Variants in MARCHF1 observed in about 807,000 individuals in gnomAD.
MARCHF1 encodes the protein membrane associated ring-CH-type finger 1.
Under a neutral mutation model 54.2 loss-of-function variants are expected in MARCHF1, and 40 were observed. The observed-to-expected ratio is 0.74, with a 90% CI of 0.57 to 0.96. MARCHF1 has a LOEUF of 0.96. Among genes scored for constraint, MARCHF1 ranks in the 40% least tolerant of loss-of-function variants. MARCHF1 has a pLI of 0.00. For synonymous variants in MARCHF1, 236 were observed against 236.3 expected, an observed-to-expected ratio of 1.00 and a Z score of 0.01; for missense variants, 586 against 656.5, an observed-to-expected ratio of 0.89 and a Z score of 1.17.
In MARCHF1 at chr4:163,829,667, C is replaced by T. The variant is rs1748961976; in HGVS notation, c.111+24354G>A. On this transcript the variant is annotated intron_variant, in intron 4 of 9. Coordinates refer to ENST00000514618, the MANE Select transcript of MARCHF1 (RefSeq NM_001394959.1). The stretch of plus-strand genomic sequence containing the variant: ...CCCCCTGGACTGGATGATATGTACG[C>T]AAATATTTAAAAAAATAAATAACAC... Among the ~76,000 whole-genome samples the T allele has an allele frequency of 2.6e-5, 4 of 152,168 alleles. No individual in the cohort carries two copies. In the South Asian group the frequency reaches 8.3e-4, roughly 32 times the overall value.
At chr4:164,250,831 A>G (rs1172475500) in intron 1 of MARCHF1, among the ~76,000 whole-genome samples, 1 of 152,132 alleles carries the variant, frequency 6.6e-6, no homozygotes. Context: ...AAGAAGAGGA[A>G]GACTCCATCA....
intron 2 of MARCHF1, among the ~76,000 whole-genome samples, chr4:164,024,611 A>G (rs1753729583): frequency 6.6e-6 from 1 of 152,176 alleles, no homozygotes; most frequent in African/African-American, 2.4e-5. Context: ...GACATGAAAG[A>G]ATGACACATA....
chr4:164,183,158 A>G (rs1730877665), intron 1 of MARCHF1, among the ~76,000 whole-genome samples: 1 of 152,102 alleles, frequency 6.6e-6, no homozygotes, highest in Non-Finnish European at 1.5e-5. Context: ...TCAGGATTCA[A>G]AAAGTAAAAT....
chr4:163,913,806 C>A (rs766476804), intron 3 of MARCHF1, among the ~76,000 whole-genome samples: 4 of 152,048 alleles, frequency 2.6e-5, no homozygotes, highest in Non-Finnish European at 5.9e-5. Flanking sequence ...TTGTAACTGC[C>A]ATCACAGTCT....
chr4:163,631,135 A>G (rs908520857), intron 5 of MARCHF1, among the ~76,000 whole-genome samples: 1 of 152,210 alleles, frequency 6.6e-6, no homozygotes, highest in African/African-American at 2.4e-5. Flanking sequence ...CATATTAGGT[A>G]TATCTTAAAC....
intron 3 of MARCHF1, among the ~76,000 whole-genome samples, chr4:163,887,555 AT>A (rs1310989406): frequency 2.0e-5 from 3 of 152,160 alleles, no homozygotes; most frequent in Non-Finnish European, 4.4e-5. Context: ...CAGAATTTGC[AT>A]TTTAACAAGA....
intron 7 of MARCHF1, among the ~76,000 whole-genome samples, chr4:163,597,168 G>A (rs1402718596): frequency 6.6e-6 from 1 of 152,120 alleles, no homozygotes; most frequent in Non-Finnish European, 1.5e-5. Flanking sequence ...ATGTTGGCCA[G>A]GCTGGTCTCA....
At chr4:164,111,430 C>T (rs35587216) in intron 2 of MARCHF1, among the ~76,000 whole-genome samples, 158 bp downstream of exon 2, 19,455 of 151,170 alleles carry the variant, frequency 0.13, 1,889 homozygotes, top group African/African-American at 0.28. Context: ...TCATTGAGAC[C>T]AAATAAAATT....
At chr4:164,289,968 CCCT>C (rs1180862354) in intron 1 of MARCHF1, among the ~76,000 whole-genome samples, 2 of 151,824 alleles carry the variant, frequency 1.3e-5, no homozygotes, top group African/African-American at 4.8e-5. Flanking sequence ...TCATGTATTC[CCCT>C]AAGGCTTCTC....
chr4:164,115,589 T>C (rs1755923118), intron 1 of MARCHF1, among the ~76,000 whole-genome samples: 1 of 152,054 alleles, frequency 6.6e-6, no homozygotes, highest in South Asian at 2.1e-4. Context: ...AGAAACTATA[T>C]ACAAAACTGA....
intron 4 of MARCHF1, among the ~76,000 whole-genome samples, chr4:163,777,369 A>G (rs1747336113): frequency 6.6e-6 from 1 of 152,150 alleles, no homozygotes; most frequent in Non-Finnish European, 1.5e-5. Context: ...TTACATATCT[A>G]TTTTTATCTC....
At chr4:163,775,678 A>C (rs886271378) in intron 4 of MARCHF1, among the ~76,000 whole-genome samples, 4 of 152,264 alleles carry the variant, frequency 2.6e-5, no homozygotes, top group Middle Eastern at 3.4e-3. Context: ...GATAATAAGA[A>C]GGCGGCTAGG....
chr4:163,724,877 A>C (rs148463073), intron 4 of MARCHF1, among the ~76,000 whole-genome samples: 1 of 152,134 alleles, frequency 6.6e-6, no homozygotes, highest in Non-Finnish European at 1.5e-5. Context: ...TTAGGGTGGG[A>C]GTGACCCGAT....
chr4:164,048,219 A>C (rs1296105810), intron 2 of MARCHF1, among the ~76,000 whole-genome samples: 1 of 152,174 alleles, frequency 6.6e-6, no homozygotes, highest in East Asian at 1.9e-4. Flanking sequence ...CAGCTTAAAC[A>C]AATCAGTATT....
chr4:163,623,401 C>G (rs912351690), intron 5 of MARCHF1, among the ~76,000 whole-genome samples: 4 of 152,214 alleles, frequency 2.6e-5, no homozygotes, highest in Admixed American at 2.6e-4. Flanking sequence ...AGCTGTAGCA[C>G]TGGTGAACAG....
intron 1 of MARCHF1, among the ~76,000 whole-genome samples, chr4:164,323,274 A>G (rs916946285): frequency 2.0e-5 from 3 of 151,758 alleles, no homozygotes; most frequent in Non-Finnish European, 4.4e-5. Flanking sequence ...TGGATCAAAG[A>G]GGAAAGCAAA....
chr4:163,606,796 G>A (rs1350173778), intron 7 of MARCHF1, among the ~76,000 whole-genome samples: 1 of 151,916 alleles, frequency 6.6e-6, no homozygotes, highest in Admixed American at 6.6e-5. Context: ...GGTTGCCGAT[G>A]GCTACATTTT....
chr4:164,330,962 G>T (rs1431981694), intron 1 of MARCHF1, among the ~76,000 whole-genome samples: 3 of 152,104 alleles, frequency 2.0e-5, no homozygotes, highest in African/African-American at 7.2e-5. Context: ...ATACAGAAAA[G>T]CACATCCATT....
rs1290770077 is a variant in MARCHF1, at chr4:163,819,769, C to T, written c.111+34252G>A. Among the ~76,000 whole-genome samples, 3 of 152,074 alleles carry T rather than the reference C, an allele frequency of 2.0e-5. No homozygotes were observed. The East Asian group carries it at 5.8e-4, about 29-fold the overall frequency. ...TCTTACAAACCAACTTGCATATGCA[C>T]CTACACTTTCTGTCATCTCTTCTAC... On this transcript the variant is annotated intron_variant, in intron 4 of 9. Coordinates refer to ENST00000514618, the MANE Select transcript of MARCHF1 (RefSeq NM_001394959.1).
Sources: gnomAD v4.1 joint callset for allele counts (sites outside exome capture counted in the v4.1 genomes callset) on GRCh38, gnomAD v4.1.1 for gene constraint, MANE v1.5 for transcripts, NCBI Gene and HGNC (gene_info 2026-07-23, HGNC 2026-07-21) for gene names.